Variants in HCN1 observed in about 807,000 individuals in gnomAD.
HCN1 encodes potassium/sodium hyperpolarization-activated cyclic nucleotide-gated channel 1.
A neutral mutation model predicts 78.9 loss-of-function variants in HCN1; 13 were observed. The ratio of observed to expected loss-of-function variants is 0.16; its 90% CI spans 0.11 to 0.26. HCN1 has a LOEUF of 0.26. HCN1 is among the 10% of genes least tolerant of loss of function. The pLI, the probability that HCN1 is intolerant of heterozygous loss-of-function variation, is 1.00. For missense variants in HCN1, 810 were observed against 1,154.3 expected (o/e 0.70, Z 4.32); for synonymous variants, 552 against 455.5 (o/e 1.21, Z -2.70).
chr5:45,424,507 GA>G (rs1326312388), intron 3 of HCN1, among the ~76,000 whole-genome samples: 1 of 151,864 alleles, frequency 6.6e-6, no homozygotes, highest in Admixed American at 6.6e-5. Context: ...ACACAGGAGA[GA>G]AAAAAATTCT....
intron 2 of HCN1, among the ~76,000 whole-genome samples, chr5:45,641,053 C>T (rs915301567): frequency 3.3e-5 from 5 of 152,092 alleles, no homozygotes; most frequent in African/African-American, 7.2e-5. Flanking sequence ...AGCAAGGAAA[C>T]ACAGATTTGA....
chr5:45,350,015 T>A (rs555276131), intron 5 of HCN1, among the ~76,000 whole-genome samples: 2 of 152,072 alleles, frequency 1.3e-5, no homozygotes, highest in Non-Finnish European at 2.9e-5. Flanking sequence ...TCCTCCCTAA[T>A]TCATTTTGTG....
At chr5:45,373,274 AT>A (rs1384659353) in intron 4 of HCN1, among the ~76,000 whole-genome samples, 1 of 117,072 alleles carries the variant, frequency 8.5e-6, no homozygotes, top group Non-Finnish European at 1.6e-5. Context: ...TATTATATAT[AT>A]TTTATATTAT....
chr5:45,301,869 T>C (rs1281273500), intron 6 of HCN1, among the ~76,000 whole-genome samples: 1 of 151,982 alleles, frequency 6.6e-6, no homozygotes, highest in East Asian at 1.9e-4. Context: ...ATGACAGATA[T>C]TGTAAATGCA....
chr5:45,566,122 C>T (rs938281422), intron 2 of HCN1, among the ~76,000 whole-genome samples: 2 of 152,096 alleles, frequency 1.3e-5, no homozygotes, highest in Admixed American at 1.3e-4. Flanking sequence ...ATCATTCTAA[C>T]AATGTAATTA....
rs550461914 is a variant in HCN1 at position 45,468,253 on chromosome 5, C to T, written c.850-6246G>A. Among the ~76,000 whole-genome samples, 6 of 152,194 alleles carry T rather than the reference C, an allele frequency of 3.9e-5. No individual in the cohort carries two copies. In the East Asian group the frequency reaches 1.2e-3, roughly 29 times the overall value. On this transcript the variant is annotated intron_variant, in intron 2 of 7. Transcript: ENST00000303230. ...CATTAGAGAAATATATGTCTCATTACATGACTGCAGTGAAGAAAATAGTAC... is the reference window on the plus strand; with the variant it reads ...CATTAGAGAAATATATGTCTCATTATATGACTGCAGTGAAGAAAATAGTAC...
intron 5 of HCN1, among the ~76,000 whole-genome samples, chr5:45,316,060 T>C (rs1413362716): frequency 6.6e-6 from 1 of 152,182 alleles, no homozygotes; most frequent in Non-Finnish European, 1.5e-5. Context: ...ACCTAACTCA[T>C]TTTATGAGGC....
rs142352183 is a variant in HCN1, at chr5:45,335,961, G to A, written c.1377+17139C>T. 1.8e-3 allele frequency among the ~76,000 whole-genome samples: 281 copies of A among 152,110 alleles called. 1 individual carries two copies. The highest frequency in any genetic ancestry group is 6.5e-3 in the African/African-American group (272 of 41,536). Reference sequence around the variant, plus strand: ...ATGTGAAATAGCCCCTCAGTAGTAGGTTCTCATCCATTATGTGTTATATAG... The same window carrying A: ...ATGTGAAATAGCCCCTCAGTAGTAGATTCTCATCCATTATGTGTTATATAG... On this transcript the variant is annotated intron_variant, in intron 5 of 7. Transcript: ENST00000303230.
At chr5:45,466,981 C>A (rs1344061928) in intron 2 of HCN1, among the ~76,000 whole-genome samples, 8 of 152,096 alleles carry the variant, frequency 5.3e-5, no homozygotes, top group African/African-American at 1.9e-4. Flanking sequence ...AAACTATCAT[C>A]TTCTGTCCAT....
chr5:45,578,561 A>G (rs1743993637), intron 2 of HCN1, among the ~76,000 whole-genome samples: 1 of 152,082 alleles, frequency 6.6e-6, no homozygotes, highest in African/African-American at 2.4e-5. Flanking sequence ...CTTTAAGCCA[A>G]TTTTAGAGAT....
At chr5:45,332,913 C>T (rs1226960766) in intron 5 of HCN1, among the ~76,000 whole-genome samples, 1 of 151,520 alleles carries the variant, frequency 6.6e-6, no homozygotes, top group Non-Finnish European at 1.5e-5. Flanking sequence ...CAGTTGTTTC[C>T]AAATTTTGGC....
chr5:45,370,921 A>T (rs1054020285), intron 4 of HCN1, among the ~76,000 whole-genome samples: 1 of 152,102 alleles, frequency 6.6e-6, no homozygotes, highest in Non-Finnish European at 1.5e-5. Flanking sequence ...CTTTTTACTG[A>T]TTCTCCATAA....
chr5:45,651,758 G>C (rs1033371640), intron 1 of HCN1, among the ~76,000 whole-genome samples: 4 of 151,946 alleles, frequency 2.6e-5, no homozygotes, highest in African/African-American at 9.6e-5. Context: ...TCGCAAAAAA[G>C]TTTCATTGGC....
chr5:45,530,597 A>G (rs1489595850), intron 2 of HCN1, among the ~76,000 whole-genome samples: 2 of 152,070 alleles, frequency 1.3e-5, no homozygotes, highest in African/African-American at 4.8e-5. Flanking sequence ...ATTTTAGCCA[A>G]TGAACCTCTT....
At chr5:45,620,563 CAT>C (rs535553053) in intron 2 of HCN1, among the ~76,000 whole-genome samples, 5 of 150,658 alleles carry the variant, frequency 3.3e-5, no homozygotes, top group South Asian at 2.1e-4. Flanking sequence ...CTTTAAAATA[CAT>C]ATATATATAT....
chr5:45,585,363 T>C (rs1008755192), intron 2 of HCN1, among the ~76,000 whole-genome samples: 44 of 152,338 alleles, frequency 2.9e-4, no homozygotes, highest in Non-Finnish European at 5.6e-4. Flanking sequence ...TCTCGTGCCA[T>C]GGTTTTCAGC....
intron 2 of HCN1, among the ~76,000 whole-genome samples, chr5:45,640,840 A>G (rs1745440074): frequency 6.8e-6 from 1 of 147,550 alleles, no homozygotes; most frequent in East Asian, 2.1e-4. Flanking sequence ...CTTAACTATG[A>G]TTTTTAAAGG....
intron 2 of HCN1, among the ~76,000 whole-genome samples, chr5:45,636,398 C>T (rs1024699206): frequency 9.2e-5 from 14 of 152,070 alleles, no homozygotes; most frequent in African/African-American, 1.4e-4. Context: ...ATAGCAGTAG[C>T]CATAATATAT....
chr5:45,693,366 C>A (rs563839262), intron 1 of HCN1, among the ~76,000 whole-genome samples: 1 of 151,604 alleles, frequency 6.6e-6, no homozygotes, highest in Non-Finnish European at 1.5e-5. Flanking sequence ...GTTTTAAAAT[C>A]TATTTTTTCA....
Sources: gnomAD v4.1 joint callset for allele counts (sites outside exome capture counted in the v4.1 genomes callset) on GRCh38, gnomAD v4.1.1 for gene constraint, MANE v1.5 for transcripts, NCBI Gene and HGNC (gene_info 2026-07-23, HGNC 2026-07-21) for gene names.